The following CACNA1S variants were observed in gnomAD, a reference collection of about 807,000 sequenced individuals.
The protein encoded by CACNA1S is voltage-dependent L-type calcium channel subunit alpha-1S.
In CACNA1S, 126 loss-of-function variants were observed where a neutral mutation model predicts 207.4. The observed-to-expected ratio is 0.61, with a 90% CI of 0.53 to 0.70. CACNA1S has a LOEUF of 0.70. Among genes scored for constraint, CACNA1S ranks in the 30% least tolerant of loss-of-function variants. The probability of loss-of-function intolerance (pLI) is 0.00; values close to 1 mark genes in which losing one functional copy is unlikely to be tolerated. For missense variants in CACNA1S, 2,349 were observed against 2,422.8 expected (o/e 0.97, Z 0.64); for synonymous variants, 960 against 932.7 (o/e 1.03, Z -0.53).
At chr1:201,048,486 T>C in intron 36 of CACNA1S, 96 bp downstream of exon 36, 2 of 1,084,434 alleles carry the variant, frequency 1.8e-6, no homozygotes, top group Non-Finnish European at 2.8e-6. Context: ...CCCACAGTTC[T>C]TAAGAGCAAT....
At chr1:201,083,372 C>T in intron 9 of CACNA1S, 50 bp from the exon 10 acceptor site, 1 of 1,594,624 alleles carries the variant, frequency 6.3e-7, no homozygotes, top group Non-Finnish European at 8.6e-7. Context: ...GTTCTACGCC[C>T]CACCTGTCCA....
Position 201,053,385 on chromosome 1 carries a change from G to T in CACNA1S, c.3795+74C>A, listed in dbSNP as rs73072961. The T allele has an allele frequency of 1.6e-3, 2,642 of 1,612,254 alleles. 39 individuals carry two copies. The African/African-American group carries it at 0.031, about 19-fold the overall frequency. ...CTGCCTTGCCCAGGGCTCCCCTGGG[G>T]CCCACCCTGGGCTGAGGCAGATGTC... On this transcript the variant is annotated intron_variant, in intron 30 of 43. Transcript: ENST00000362061. The surrounding 1 kb of genome is among the most constrained non-coding windows in gnomAD (Gnocchi z 5.1).
At chr1:201,054,942 A>G (rs1159672896) in intron 28 of CACNA1S, among the ~76,000 whole-genome samples, 2 of 152,162 alleles carry the variant, frequency 1.3e-5, no homozygotes, top group Non-Finnish European at 2.9e-5. Flanking sequence ...ATGCCTGCTC[A>G]TTGTAAATGG....
intron 35 of CACNA1S, 82 bp downstream of exon 35, chr1:201,048,921 C>T: frequency 1.8e-6 from 2 of 1,137,694 alleles, no homozygotes; most frequent in Non-Finnish European, 2.6e-6. Flanking sequence ...ATGCTTCACT[C>T]CATCAGGTCC....
At chr1:201,107,650 C>T (rs1366515975) in intron 2 of CACNA1S, among the ~76,000 whole-genome samples, 1 of 152,172 alleles carries the variant, frequency 6.6e-6, no homozygotes, top group Non-Finnish European at 1.5e-5. Flanking sequence ...TGGAAAGACC[C>T]CAACCCTTCT....
At chr1:201,095,510 G>GA (rs1290036959) in intron 2 of CACNA1S, among the ~76,000 whole-genome samples, 1 of 152,162 alleles carries the variant, frequency 6.6e-6, no homozygotes, top group Non-Finnish European at 1.5e-5. Flanking sequence ...CACTATTGTG[G>GA]ATATGGCTCC....
chr1:201,048,937 A>C (rs1367403399), intron 35 of CACNA1S, 66 bp downstream of exon 35: 2 of 1,278,412 alleles, frequency 1.6e-6, no homozygotes, highest in African/African-American at 2.9e-5. Flanking sequence ...GGTCCTCACC[A>C]GTTTCCCTCT....
Position 201,097,975 on chromosome 1 carries a change from A to G in CACNA1S, c.259-3954T>C, listed in dbSNP as rs146505689. Among the ~76,000 whole-genome samples the G allele has an allele frequency of 7.9e-3, 1,201 of 152,180 alleles. 16 individuals are homozygous for G. The highest frequency in any genetic ancestry group is 0.028 in the African/African-American group (1,158 of 41,504). On this transcript the variant is annotated intron_variant, in intron 2 of 43. Coordinates refer to ENST00000362061, the MANE Select transcript of CACNA1S (RefSeq NM_000069.3). Reference sequence around the variant, plus strand: ...ACTTTTTTCTTTCTTTCAGGGCCCAACTTGAAGGTCACTTTATCACTGAGA... The same window carrying G: ...ACTTTTTTCTTTCTTTCAGGGCCCAGCTTGAAGGTCACTTTATCACTGAGA...
At chr1:201,070,249 C>T in intron 17 of CACNA1S, 23 bp downstream of exon 17, 1 of 1,613,760 alleles carries the variant, frequency 6.2e-7, no homozygotes, top group Middle Eastern at 1.6e-4. Context: ...CAATCACCCC[C>T]ACAGCAGCCA....
chr1:201,086,066 C>T (rs903836854), intron 7 of CACNA1S, among the ~76,000 whole-genome samples: 3 of 152,190 alleles, frequency 2.0e-5, no homozygotes, highest in Non-Finnish European at 4.4e-5. Flanking sequence ...GGACCCAAGG[C>T]TCCATGAGGG....
intron 10 of CACNA1S, 78 bp downstream of exon 10, chr1:201,083,084 G>A: frequency 6.7e-7 from 1 of 1,485,934 alleles, no homozygotes; most frequent in African/African-American, 1.4e-5. Context: ...TGCACAACCT[G>A]TGGTGCCATT....
chr1:201,043,389 A>T lies in CACNA1S; in HGVS notation c.4940T>A (p.Phe1647Tyr). The T allele has an allele frequency of 1.2e-6, 2 of 1,614,166 alleles. No homozygotes were observed. The highest frequency in any genetic ancestry group is 1.1e-5 in the South Asian group (1 of 91,090). Residue 1647 changes from phenylalanine to tyrosine, a missense_variant, in exon 40 of 44, where the codon TTC becomes TAC. Coordinates refer to ENST00000362061, the MANE Select transcript of CACNA1S (RefSeq NM_000069.3). ...EMESPVFLED[F>Y]PQDPRTNPLA... ...GGGGTTGGTGCGTGGATCTTGTGGG[A>T]AGTCCTCCAAGAAGACAGGTGACTC...
intron 38 of CACNA1S, 53 bp downstream of exon 38, chr1:201,047,062 G>A: frequency 6.2e-7 from 1 of 1,612,334 alleles, no homozygotes; most frequent in Non-Finnish European, 8.5e-7. Context: ...ACTAGAGTCT[G>A]GAGACCTGGC....
rs149427585 is a variant in CACNA1S at position 201,071,431 on chromosome 1, T to G, written c.2228-1027A>C. Among the ~76,000 whole-genome samples, 9 of 152,344 alleles carry G rather than the reference T, an allele frequency of 5.9e-5. No homozygotes were observed. The East Asian group carries it at 1.7e-3, about 29-fold the overall frequency. ...ATTTCACGCTTAATCGCAGAGACCA[T>G]TAATTCTTCGAGTTAGCATATTTGC... On this transcript the variant is annotated intron_variant, in intron 16 of 43. Transcript: ENST00000362061.
chr1:201,093,766 G>A, intron 3 of CACNA1S, 116 bp downstream of exon 3: 1 of 1,292,044 alleles, frequency 7.7e-7, no homozygotes, highest in South Asian at 1.2e-5. Context: ...GCTCCATGCA[G>A]TGGTTAGCAC....
At chr1:201,077,649 G>T (rs1008582347) in intron 11 of CACNA1S, among the ~76,000 whole-genome samples, 18 of 151,936 alleles carry the variant, frequency 1.2e-4, no homozygotes, top group African/African-American at 4.3e-4. Flanking sequence ...CCCACTCCCT[G>T]CCCTGCCATA....
At chr1:201,051,895 C>T (rs886604363) in intron 32 of CACNA1S, among the ~76,000 whole-genome samples, 2 of 152,202 alleles carry the variant, frequency 1.3e-5, no homozygotes, top group South Asian at 2.1e-4. Context: ...CGGTGAGGTG[C>T]CGGTCTCCTT....
At chr1:201,040,452 AG>A in intron 42 of CACNA1S, 78 bp from the exon 43 acceptor site, 1 of 1,568,802 alleles carries the variant, frequency 6.4e-7, no homozygotes, top group Admixed American at 1.7e-5. Flanking sequence ...AGATCATCTG[AG>A]GGCAACTCAA....
intron 10 of CACNA1S, among the ~76,000 whole-genome samples, chr1:201,079,703 G>A (rs530383003): frequency 3.2e-4 from 48 of 152,230 alleles, no homozygotes; most frequent in African/African-American, 1.1e-3. Context: ...AATAGGTGTT[G>A]CCCCAAACAT....
Sources: allele counts gnomAD v4.1 joint callset (sites outside exome capture counted in the v4.1 genomes callset), GRCh38; gene constraint gnomAD v4.1.1; non-coding constraint Gnocchi (gnomAD v3.1); transcripts MANE v1.5; gene names NCBI Gene and HGNC (gene_info 2026-07-23, HGNC 2026-07-21).